VIT: variants seen among roughly 807,000 people sequenced by gnomAD.
VIT encodes the protein vitrin.
In VIT, 99 loss-of-function variants were observed where a neutral mutation model predicts 78.0. That is an observed-to-expected ratio of 1.27 (90% CI 1.08 to 1.50). VIT has a LOEUF of 1.50. Ranked by LOEUF, VIT falls within the 40% of genes most tolerant of loss-of-function variation. VIT has a pLI of 0.00. For synonymous variants in VIT, 374 were observed against 334.3 expected, an observed-to-expected ratio of 1.12 and a Z score of -1.29; for missense variants, 1,126 against 875.3, an observed-to-expected ratio of 1.29 and a Z score of -3.61.
intron 6 of VIT, among the ~76,000 whole-genome samples, chr2:36,760,881 G>C (rs1276589444): frequency 6.6e-6 from 1 of 152,168 alleles, no homozygotes; most frequent in Non-Finnish European, 1.5e-5. Context: ...CTGAGAACTG[G>C]GATGGGGTGA....
intron 13 of VIT, among the ~76,000 whole-genome samples, chr2:36,802,989 G>A (rs1666440523): frequency 6.6e-6 from 1 of 152,176 alleles, no homozygotes; most frequent in South Asian, 2.1e-4. Context: ...CCAAGATTAG[G>A]AAATCACTTT....
chr2:36,709,766 TG>T (rs1394238745), intron 1 of VIT, among the ~76,000 whole-genome samples: 4 of 152,028 alleles, frequency 2.6e-5, no homozygotes, highest in Non-Finnish European at 5.9e-5. Flanking sequence ...AAAGCCCAGG[TG>T]TGCTGGGGTC....
rs201155528 is a variant in VIT, at chr2:36,808,951, C to A, written c.1869C>A (p.Asp623Glu). ...ILITDGRSYD[D>E]VRIPAMAAHL... is the part of the protein sequence containing the mutation. ...TCACCGACGGGAGGTCCTACGACGA[C>A]GTCCGGATCCCAGCCATGGCTGCCC... Residue 623 changes from aspartate to glutamate, a missense_variant, in exon 15 of 16, where the codon GAC (aspartate) becomes GAA (glutamate). By Grantham distance (45) the Asp-to-Glu change is conservative. Coordinates refer to ENST00000379242, the MANE Select transcript of VIT (RefSeq NM_053276.4). 6.2e-7 allele frequency: 1 copy of A among 1,601,824 alleles called. No homozygotes were observed. Among genetic ancestry groups the A allele is most frequent in the East Asian group, 2.2e-5 (1 of 44,654 alleles).
At chr2:36,759,290 T>C (rs1668966360) in intron 6 of VIT, 4 of 1,456,262 alleles carry the variant, frequency 2.7e-6, no homozygotes, top group Non-Finnish European at 3.6e-6. Flanking sequence ...TGTGTCATTT[T>C]CATTCAGATT....
chr2:36,752,152 A>T (rs1229061649), intron 4 of VIT, among the ~76,000 whole-genome samples: 1 of 152,186 alleles, frequency 6.6e-6, no homozygotes, highest in Non-Finnish European at 1.5e-5. Context: ...GTTTCTTCAA[A>T]CCAAAGGGAT....
chr2:36,785,147 T>C (rs538394986), intron 11 of VIT, among the ~76,000 whole-genome samples: 68 of 152,314 alleles, frequency 4.5e-4, no homozygotes, highest in African/African-American at 1.5e-3. Flanking sequence ...TTAACACTTG[T>C]TCCCAAAAAT....
intron 1 of VIT, among the ~76,000 whole-genome samples, chr2:36,708,373 T>C (rs546404727): frequency 6.6e-6 from 1 of 152,292 alleles, no homozygotes; most frequent in South Asian, 2.1e-4. Flanking sequence ...TATGGTTGGG[T>C]GCTCCCCGAT....
intron 14 of VIT, 97 bp from the exon 15 acceptor site, chr2:36,808,375 T>C (rs1666884291): frequency 4.1e-6 from 6 of 1,451,868 alleles, no homozygotes; most frequent in Admixed American, 2.5e-5. Context: ...AACAAGGGCC[T>C]GCTTGCTTCT....
At chr2:36,778,367 G>C (rs999459682) in intron 9 of VIT, among the ~76,000 whole-genome samples, 3 of 152,174 alleles carry the variant, frequency 2.0e-5, no homozygotes, top group South Asian at 2.1e-4. Flanking sequence ...CTGCTGTATG[G>C]AGGAGGCAGG....
chr2:36,719,358 G>T (rs1666352588), intron 2 of VIT, among the ~76,000 whole-genome samples: 1 of 152,118 alleles, frequency 6.6e-6, no homozygotes, highest in Non-Finnish European at 1.5e-5. Flanking sequence ...ACAAGGAAAG[G>T]AAATAAAGAC....
At chr2:36,712,059 T>A (rs1467828153) in intron 1 of VIT, among the ~76,000 whole-genome samples, 1 of 152,166 alleles carries the variant, frequency 6.6e-6, no homozygotes, top group African/African-American at 2.4e-5. Flanking sequence ...GCCCCACAGC[T>A]CTGTGACATT....
intron 12 of VIT, among the ~76,000 whole-genome samples, chr2:36,794,011 G>A (rs1572551601): frequency 6.6e-6 from 1 of 152,196 alleles, no homozygotes; most frequent in Non-Finnish European, 1.5e-5. Context: ...AGTGCCTTAG[G>A]TGAGTTTTAT....
intron 9 of VIT, among the ~76,000 whole-genome samples, chr2:36,775,531 C>G (rs893885014): frequency 6.6e-6 from 1 of 152,216 alleles, no homozygotes; most frequent in East Asian, 1.9e-4. Flanking sequence ...CTGTATTCTG[C>G]TGAATGTATT....
At chr2:36,717,881 C>G (rs1315242134) in intron 2 of VIT, among the ~76,000 whole-genome samples, 1 of 152,152 alleles carries the variant, frequency 6.6e-6, no homozygotes, top group Non-Finnish European at 1.5e-5. Context: ...AAATCAGTGT[C>G]AAGAGGGTTG....
At chr2:36,782,070 G>T (rs1664797962) in intron 10 of VIT, among the ~76,000 whole-genome samples, 1 of 152,172 alleles carries the variant, frequency 6.6e-6, no homozygotes, top group African/African-American at 2.4e-5. Flanking sequence ...ACTCTATCTG[G>T]CAGCACACTT....
intron 2 of VIT, among the ~76,000 whole-genome samples, chr2:36,728,881 G>A (rs1667024428): frequency 6.6e-6 from 1 of 150,584 alleles, no homozygotes; most frequent in Admixed American, 6.6e-5. Flanking sequence ...CGTATACAGT[G>A]GTTATAAAAT....
chr2:36,788,021 CATAG>C (rs1665227919), intron 12 of VIT: 1 of 300,046 alleles, frequency 3.3e-6, no homozygotes, highest in African/African-American at 2.3e-5. Flanking sequence ...GAAACAGATA[CATAG>C]ATATTGATAA....
rs75306967 is a variant in VIT, at chr2:36,722,702, G to A, written c.52+6280G>A. Among the ~76,000 whole-genome samples, 68 of 152,196 alleles carry A rather than the reference G, an allele frequency of 4.5e-4. 1 individual carries two copies. The East Asian group carries it at 0.013, about 28-fold the overall frequency. On this transcript the variant is annotated intron_variant, in intron 2 of 15. Transcript: ENST00000379242. ...TGAGGCATGCTTATAAAAGTTCTAG[G>A]TACACAAATATGCAGTAAGTACCTA...
chr2:36,791,196 T>G (rs1481129575), intron 12 of VIT, among the ~76,000 whole-genome samples: 3 of 152,198 alleles, frequency 2.0e-5, no homozygotes, highest in African/African-American at 4.8e-5. Flanking sequence ...ATAGCTGTCC[T>G]GTGGTTTAGT....
Sources: gnomAD v4.1 joint callset for allele counts (sites outside exome capture counted in the v4.1 genomes callset) on GRCh38, gnomAD v4.1.1 for gene constraint, MANE v1.5 for transcripts, NCBI Gene and HGNC (gene_info 2026-07-23, HGNC 2026-07-21) for gene names.